The following TIAM1 variants were observed in gnomAD, a reference collection of about 807,000 sequenced individuals.
TIAM1 encodes the protein rho guanine nucleotide exchange factor TIAM1.
A neutral mutation model predicts 163.5 loss-of-function variants in TIAM1; 65 were observed. That is an observed-to-expected ratio of 0.40 (90% CI 0.33 to 0.49). The LOEUF is 0.49. Among genes scored for constraint, TIAM1 ranks in the 20% least tolerant of loss-of-function variants. The pLI, the probability that TIAM1 is intolerant of heterozygous loss-of-function variation, is 0.77. For missense variants in TIAM1, 1,789 were observed against 2,044.7 expected (o/e 0.87, Z 2.41); for synonymous variants, 833 against 810.1 (o/e 1.03, Z -0.48).
intron 1 of TIAM1, 114 bp downstream of exon 1, chr21:31,344,024 C>G (rs2076095813): frequency 6.6e-6 from 1 of 152,220 alleles, no homozygotes; most frequent in South Asian, 2.1e-4. Context: ...CTGCACAGCT[C>G]AGCTCGGGGC....
chr21:31,383,414 C>T (rs1283063589), intron 2 of TIAM1, among the ~76,000 whole-genome samples: 4 of 152,034 alleles, frequency 2.6e-5, no homozygotes, highest in African/African-American at 9.7e-5. Context: ...TATTATGTAC[C>T]CGACCCTAGG....
chr21:31,260,191 A>G (rs1488743918), intron 4 of TIAM1, among the ~76,000 whole-genome samples: 1 of 147,232 alleles, frequency 6.8e-6, no homozygotes, highest in East Asian at 1.9e-4. Context: ...ATAAATAAAT[A>G]AATATTTTTA....
intron 17 of TIAM1, 40 bp downstream of exon 17, chr21:31,154,207 C>T (rs12482307): frequency 0.36 from 574,443 of 1,595,122 alleles, 107,060 homozygotes; most frequent in South Asian, 0.45. Flanking sequence ...CACTCCTTTA[C>T]GAGGCAGAGG....
intron 2 of TIAM1, among the ~76,000 whole-genome samples, chr21:31,378,946 C>A (rs1602135396): frequency 6.6e-6 from 1 of 152,026 alleles, no homozygotes; most frequent in Non-Finnish European, 1.5e-5. Context: ...AGGTTTTGTG[C>A]AAATACTAAA....
At chr21:31,442,152 G>C (rs181829412) in intron 2 of TIAM1, among the ~76,000 whole-genome samples, 1 of 142,940 alleles carries the variant, frequency 7.0e-6, no homozygotes, top group East Asian at 2.1e-4. Flanking sequence ...GCAAGGACAA[G>C]TGAGAACTTA....
intron 2 of TIAM1, among the ~76,000 whole-genome samples, chr21:31,364,679 G>A (rs2076469514): frequency 6.6e-6 from 1 of 152,086 alleles, no homozygotes. Context: ...ACGGATGGAT[G>A]GATGGGTGGA....
At chr21:31,491,809 A>G (rs11701218) in intron 1 of TIAM1, among the ~76,000 whole-genome samples, 20,116 of 152,216 alleles carry the variant, frequency 0.13, 1,555 homozygotes, top group Non-Finnish European at 0.17. Context: ...TTCCAAAGCA[A>G]TTTTTTCAAG....
chr21:31,386,729 T>G (rs2076878422), intron 2 of TIAM1, among the ~76,000 whole-genome samples: 1 of 151,966 alleles, frequency 6.6e-6, no homozygotes, highest in Admixed American at 6.6e-5. Context: ...ACATACATCT[T>G]AGGGAGGGCA....
At chr21:31,278,327 A>G (rs1290634794) in intron 2 of TIAM1, among the ~76,000 whole-genome samples, 1 of 152,264 alleles carries the variant, frequency 6.6e-6, no homozygotes, top group Non-Finnish European at 1.5e-5. Flanking sequence ...TGGAAAATCA[A>G]TGGACAAGAG....
chr21:31,316,854 GAGGTA>G (rs1452331755), intron 2 of TIAM1, among the ~76,000 whole-genome samples: 1 of 152,144 alleles, frequency 6.6e-6, no homozygotes, highest in Non-Finnish European at 1.5e-5. Flanking sequence ...CGTGGATCGT[GAGGTA>G]ACTGGAAAGA....
intron 2 of TIAM1, among the ~76,000 whole-genome samples, chr21:31,393,313 A>T (rs185026566): frequency 2.4e-4 from 36 of 152,316 alleles, no homozygotes; most frequent in Admixed American, 5.2e-4. Context: ...AAAACCGATT[A>T]ACACAGTACT....
At chr21:31,478,161 A>C (rs1602378887) in intron 1 of TIAM1, among the ~76,000 whole-genome samples, 1 of 152,340 alleles carries the variant, frequency 6.6e-6, no homozygotes, top group Non-Finnish European at 1.5e-5. Context: ...AATTTTTAGC[A>C]AGCAAAATCA....
chr21:31,273,145 A>G (rs753984719), intron 3 of TIAM1, among the ~76,000 whole-genome samples: 3 of 152,202 alleles, frequency 2.0e-5, no homozygotes, highest in Non-Finnish European at 1.5e-5. Flanking sequence ...TGAGTTTCCT[A>G]TTTTGTTTTT....
chr21:31,256,093 A>T, intron 4 of TIAM1, among the ~76,000 whole-genome samples: 1 of 152,188 alleles, frequency 6.6e-6, no homozygotes, highest in East Asian at 1.9e-4. Flanking sequence ...TGAGGGAGGC[A>T]AGAGGCAAAT....
chr21:31,149,627 G>T (rs1366370303), intron 19 of TIAM1, among the ~76,000 whole-genome samples: 1 of 152,140 alleles, frequency 6.6e-6, no homozygotes, highest in Non-Finnish European at 1.5e-5. Flanking sequence ...ACTTGTAAAT[G>T]AATATAATGA....
chr21:31,203,861 T>C (rs1053293774), intron 11 of TIAM1, among the ~76,000 whole-genome samples: 1 of 152,248 alleles, frequency 6.6e-6, no homozygotes, highest in African/African-American at 2.4e-5. Context: ...CTTATTTATA[T>C]ACTCCCCAAG....
Position 31,307,905 on chromosome 21 carries a change from G to A in TIAM1, c.-188-30997C>T, listed in dbSNP as rs187123790. 3.9e-5 allele frequency among the ~76,000 whole-genome samples: 6 copies of A among 152,230 alleles called. No individual in the cohort carries two copies. The East Asian group carries it at 1.2e-3, about 29-fold the overall frequency. On this transcript the variant is annotated intron_variant, in intron 2 of 27. Transcript: ENST00000541036. ...TCCCTAAGTGAAATAAAAGGATGGG[G>A]AGAAGAGAGCCAAGTTAATTCAATC...
intron 2 of TIAM1, among the ~76,000 whole-genome samples, chr21:31,419,883 T>C (rs986989048): frequency 6.6e-5 from 10 of 152,064 alleles, no homozygotes; most frequent in Admixed American, 4.6e-4. Flanking sequence ...AAACCCCGTC[T>C]CTACTAAAAA....
Position 31,182,556 on chromosome 21 carries a change from G to A in TIAM1, c.2752C>T (p.Pro918Ser). ...GTCCTCACCAGGAGGCCCAGCGAGG[G>A]CTGTGAGAGGAAATCTTTGAGCATA... ...SSMLKDFLSQ[P>S]SLGLLVRTYP... is the part of the protein sequence containing the mutation. The change falls in exon 15 of 28, where the codon CCC becomes TCC. Residue 918 changes from proline to serine, a missense_variant. Pro to Ser is a moderately conservative substitution (Grantham distance 74, BLOSUM62 -1). Coordinates refer to ENST00000541036, the MANE Select transcript of TIAM1 (RefSeq NM_001353694.2). The A allele has an allele frequency of 6.2e-7, 1 of 1,614,114 alleles. No individual in the cohort carries two copies. The highest frequency in any genetic ancestry group is 8.5e-7 in the Non-Finnish European group (1 of 1,179,984).
Sources: allele counts gnomAD v4.1 joint callset (sites outside exome capture counted in the v4.1 genomes callset), GRCh38; gene constraint gnomAD v4.1.1; transcripts MANE v1.5; gene names NCBI Gene and HGNC (gene_info 2026-07-23, HGNC 2026-07-21).